Variants in PRKAR2A observed in about 807,000 individuals in gnomAD.
PRKAR2A encodes the protein cAMP-dependent protein kinase type II-alpha regulatory subunit.
PRKAR2A carries 29 observed loss-of-function variants against 51.9 expected under a neutral mutation model. The observed-to-expected ratio is 0.56, with a 90% CI of 0.42 to 0.76. The LOEUF is 0.76. Among genes scored for constraint, PRKAR2A ranks in the 30% least tolerant of loss-of-function variants. The pLI, the probability that PRKAR2A is intolerant of heterozygous loss-of-function variation, is 0.00. For synonymous variants in PRKAR2A, 178 were observed against 186.2 expected, an observed-to-expected ratio of 0.96 and a Z score of 0.36; for missense variants, 445 against 512.1, an observed-to-expected ratio of 0.87 and a Z score of 1.26.
intron 4 of PRKAR2A, among the ~76,000 whole-genome samples, chr3:48,786,130 T>G (rs941840117): frequency 1.5e-4 from 22 of 148,110 alleles, no homozygotes; most frequent in African/African-American, 5.4e-4. Flanking sequence ...TTTTTTTTGT[T>G]TTTTTTTTTT....
chr3:48,763,024 G>A (rs2081886513), intron 8 of PRKAR2A, among the ~76,000 whole-genome samples: 1 of 152,120 alleles, frequency 6.6e-6, no homozygotes, highest in Admixed American at 6.6e-5. Flanking sequence ...GGAACTGTAT[G>A]GGTGATGGAA....
chr3:48,808,048 CT>C (rs1181440560), intron 1 of PRKAR2A, among the ~76,000 whole-genome samples: 33 of 122,692 alleles, frequency 2.7e-4, no homozygotes, highest in South Asian at 5.0e-4. Flanking sequence ...TTCTTTCTTT[CT>C]TTTTTTTTTT....
chr3:48,744,711 T>C (rs1255464856), downstream of PRKAR2A: 1 of 152,146 alleles, frequency 6.6e-6, no homozygotes, highest in African/African-American at 2.4e-5. Context: ...TACAGGCAGG[T>C]GTCTCTGTCC....
intron 5 of PRKAR2A, 105 bp from the exon 6 acceptor site, chr3:48,773,213 G>A: frequency 2.2e-6 from 2 of 909,074 alleles, no homozygotes; most frequent in Non-Finnish European, 3.2e-6. Flanking sequence ...GATTTCCAAT[G>A]GAACTTTGCT....
rs558461634 is a variant in PRKAR2A, at chr3:48,842,263, T to C, written c.262+5072A>G. Among the ~76,000 whole-genome samples, 9 of 152,370 alleles carry C rather than the reference T, an allele frequency of 5.9e-5. No individual in the cohort carries two copies. The South Asian group carries it at 1.7e-3, about 28-fold the overall frequency. ...GCTTGTGATTTTTGTGCATTGATTT[T>C]GTATCCTGAGACTTTGCTGAAGTTG... On this transcript the variant is annotated intron_variant, in intron 1 of 10. Transcript: ENST00000265563.
chr3:48,803,882 T>C (rs1559630695), intron 2 of PRKAR2A, among the ~76,000 whole-genome samples: 2 of 152,138 alleles, frequency 1.3e-5, no homozygotes, highest in Admixed American at 6.5e-5. Context: ...GAGAATCATT[T>C]GAACTCAAGA....
Position 48,782,986 on chromosome 3 carries a change from C to G in PRKAR2A, c.542G>C (p.Arg181Pro). The change falls in exon 5 of 11, where the codon CGG becomes CCG. Residue 181 changes from arginine to proline, a missense_variant and splice_region_variant. Coordinates refer to ENST00000265563, the MANE Select transcript of PRKAR2A (RefSeq NM_004157.4). ...ACAATTTCAAAGCTCCATCTCCTACCGTTCTATGACATAAAAGTTGTCTCC... is the reference window on the plus strand; with the variant it reads ...ACAATTTCAAAGCTCCATCTCCTACGGTTCTATGACATAAAAGTTGTCTCC... ...DDGDNFYVIE[R>P]GTYDILVTKD... 1 of 1,593,248 alleles carries G rather than the reference C, an allele frequency of 6.3e-7. No homozygotes were observed. Among genetic ancestry groups the G allele is most frequent in the South Asian group, 1.1e-5 (1 of 90,638 alleles).
chr3:48,835,057 C>T (rs1277308038), intron 1 of PRKAR2A, among the ~76,000 whole-genome samples: 5 of 151,426 alleles, frequency 3.3e-5, no homozygotes, highest in South Asian at 2.1e-4. Flanking sequence ...CTGCAATTTC[C>T]GCCTCCCGGG....
At chr3:48,773,773 CAT>C (rs1191060923) in intron 5 of PRKAR2A, among the ~76,000 whole-genome samples, 2 of 151,550 alleles carry the variant, frequency 1.3e-5, no homozygotes, top group Non-Finnish European at 2.9e-5. Flanking sequence ...CACATATATA[CAT>C]ACACATAAAT....
rs1450520466 is a variant in PRKAR2A, at chr3:48,773,045, G to T, written c.606C>A (p.Asn202Lys). ...NQTRSVGQYD[N>K]RGSFGELALM... ...GAGCTAGTTCTCCAAAACTGCCACGGTTGTCATATTGACCAACAGAGCGGG... is the reference window on the plus strand; with the variant it reads ...GAGCTAGTTCTCCAAAACTGCCACGTTTGTCATATTGACCAACAGAGCGGG... Residue 202 changes from asparagine to lysine, a missense_variant, in exon 6 of 11, where the codon AAC becomes AAA. Asn to Lys is a moderately conservative substitution (Grantham distance 94, BLOSUM62 0). Coordinates refer to ENST00000265563, the MANE Select transcript of PRKAR2A (RefSeq NM_004157.4). 5.6e-6 allele frequency: 9 copies of T among 1,613,602 alleles called. No homozygotes were observed. Among genetic ancestry groups the T allele is most frequent in the Non-Finnish European group, 5.9e-6 (7 of 1,179,768 alleles).
intron 1 of PRKAR2A, among the ~76,000 whole-genome samples, chr3:48,838,427 T>C (rs2083320388): frequency 1.3e-5 from 2 of 150,970 alleles, no homozygotes; most frequent in East Asian, 4.0e-4. Context: ...GCCATCATGG[T>C]GAAACCCCAT....
chr3:48,816,883 A>G (rs1331722861), intron 1 of PRKAR2A, among the ~76,000 whole-genome samples: 1 of 152,128 alleles, frequency 6.6e-6, no homozygotes, highest in African/African-American at 2.4e-5. Flanking sequence ...AACATTTAGC[A>G]TTAAACCAAT....
At chr3:48,806,014 T>C (rs2082671735) in intron 2 of PRKAR2A, among the ~76,000 whole-genome samples, 1 of 152,166 alleles carries the variant, frequency 6.6e-6, no homozygotes, top group South Asian at 2.1e-4. Context: ...GGGATTTAAC[T>C]AATCTTTCAG....
At position 48,749,876 on chromosome 3, in the gene PRKAR2A, A is replaced by T. The variant is rs370463924; in HGVS notation, c.*1709T>A. The T allele has an allele frequency of 1.3e-5, 2 of 151,970 alleles. No individual in the cohort carries two copies. The highest frequency in any genetic ancestry group is 4.8e-5 in the African/African-American group (2 of 41,398). 9.4% of individuals were successfully genotyped at this position (151,970 alleles called of 1,614,324 possible). A position where few individuals can be genotyped will look rare whatever the true frequency, so the allele number is the denominator to read the frequency against. On this transcript the variant is annotated 3_prime_UTR_variant, in exon 11 of 11. Coordinates refer to ENST00000265563, the MANE Select transcript of PRKAR2A (RefSeq NM_004157.4). The stretch of plus-strand genomic sequence containing the variant: ...TGAATATGTCCAAGTGAAATTACCT[A>T]AAGAATAATTTTTTTTCTTTCTTTT...
intron 2 of PRKAR2A, among the ~76,000 whole-genome samples, chr3:48,806,269 G>A (rs1212141180): frequency 5.9e-5 from 9 of 152,184 alleles, no homozygotes; most frequent in African/African-American, 1.9e-4. Context: ...TAGGCCAGAT[G>A]ACAATTTCAA....
intron 5 of PRKAR2A, among the ~76,000 whole-genome samples, chr3:48,773,753 T>TAC (rs557908647): frequency 1.5e-4 from 22 of 151,464 alleles, no homozygotes; most frequent in Admixed American, 4.6e-4. Flanking sequence ...TATATATATA[T>TAC]ACACACACAC....
At chr3:48,803,566 A>T (rs923814723) in intron 2 of PRKAR2A, among the ~76,000 whole-genome samples, 23 of 152,154 alleles carry the variant, frequency 1.5e-4, no homozygotes, top group Non-Finnish European at 2.6e-4. Flanking sequence ...CTGGGATTAC[A>T]GGCACCTGCC....
At chr3:48,773,488 C>A (rs921354104) in intron 5 of PRKAR2A, among the ~76,000 whole-genome samples, 3 of 151,856 alleles carry the variant, frequency 2.0e-5, no homozygotes, top group Non-Finnish European at 4.4e-5. Context: ...GGACTACAGG[C>A]ACGCGCCACC....
At position 48,765,239 on chromosome 3, in the gene PRKAR2A, C is replaced by T. The variant is rs531081027; in HGVS notation, c.798+9G>A. 3 of 1,596,868 alleles carry T rather than the reference C, an allele frequency of 1.9e-6. No homozygotes were observed. The South Asian group carries it at 3.4e-5, about 18-fold the overall frequency. Reference sequence around the variant, plus strand: ...CCCCATGAACAGATTCTTATTCAAGCCACTTTACCTCTAGTGATTTAAGGA... The same window carrying T: ...CCCCATGAACAGATTCTTATTCAAGTCACTTTACCTCTAGTGATTTAAGGA... On this transcript the variant is annotated intron_variant, in intron 7 of 10. Transcript: ENST00000265563.
Sources: gnomAD v4.1 joint callset for allele counts (sites outside exome capture counted in the v4.1 genomes callset) on GRCh38, gnomAD v4.1.1 for gene constraint, MANE v1.5 for transcripts, NCBI Gene and HGNC (gene_info 2026-07-23, HGNC 2026-07-21) for gene names.